LAMA3: variants seen among roughly 807,000 people sequenced by gnomAD.
LAMA3 encodes laminin subunit alpha 3.
Under a neutral mutation model 402.0 loss-of-function variants are expected in LAMA3, and 281 were observed. The ratio of observed to expected loss-of-function variants is 0.70; its 90% CI spans 0.63 to 0.77. The LOEUF is 0.77. LAMA3 is among the 30% of genes least tolerant of loss of function. The pLI, the probability that LAMA3 is intolerant of heterozygous loss-of-function variation, is 0.00. For missense variants in LAMA3, 3,840 were observed against 4,215.5 expected, an observed-to-expected ratio of 0.91 and a Z score of 2.47; for synonymous variants, 1,431 against 1,558.4, an observed-to-expected ratio of 0.92 and a Z score of 1.93.
In LAMA3 at chr18:23,837,080, A is replaced by T; in HGVS notation, c.3084A>T (p.Arg1028=). Residue 1028 remains arginine (R), a synonymous_variant, in exon 25 of 75, where the codon CGA becomes CGT. Transcript: ENST00000313654. Reference sequence around the variant, plus strand: ...TTCAGCTCAAGGGACACATGGCCCGATTCCTTCTGGTATGCTTCTGTTTTG... The same window carrying T: ...TTCAGCTCAAGGGACACATGGCCCGTTTCCTTCTGGTATGCTTCTGTTTTG... ...ADIQLKGHMA[R]FLLHQVCIIP... 6.2e-7 allele frequency: 1 copy of T among 1,605,628 alleles called. No homozygotes were observed.
intron 17 of LAMA3, among the ~76,000 whole-genome samples, chr18:23,816,128 G>T (rs1355960885): frequency 6.6e-6 from 1 of 152,208 alleles, no homozygotes; most frequent in African/African-American, 2.4e-5. Flanking sequence ...CCTTTGGAAA[G>T]ACACCATTTT....
In LAMA3 at chr18:23,943,774, G is replaced by A. The variant is rs372927257; in HGVS notation, c.9027-14G>A. The A allele has an allele frequency of 1.1e-4, 180 of 1,613,484 alleles. 1 individual carries two copies. Among genetic ancestry groups the A allele is most frequent in the South Asian group, 2.3e-4 (21 of 91,064 alleles). On this transcript the variant is annotated splice_polypyrimidine_tract_variant and intron_variant, in intron 68 of 74. Transcript: ENST00000313654. ...AACACCTCTATTTCCCTTCATCGCC[G>A]ATGTTCCCAACAGGTCACAGTTTGC...
intron 2 of LAMA3, among the ~76,000 whole-genome samples, chr18:23,725,114 C>CTTT (rs200486038): frequency 1.5e-4 from 22 of 145,672 alleles, no homozygotes; most frequent in East Asian, 8.0e-4. Flanking sequence ...ACTCACCATT[C>CTTT]TTTTTTTTTT....
At chr18:23,781,176 C>A in intron 11 of LAMA3, 1 of 369,872 alleles carries the variant, frequency 2.7e-6, no homozygotes, top group South Asian at 2.0e-5. Context: ...AATCTCAATA[C>A]TTCGTTTAAC....
intron 14 of LAMA3, among the ~76,000 whole-genome samples, chr18:23,813,919 G>C (rs571177165): frequency 6.6e-6 from 1 of 152,258 alleles, no homozygotes; most frequent in South Asian, 2.1e-4. Context: ...CCGACTTCCA[G>C]GCACAGAATG....
chr18:23,697,973 A>G lies in LAMA3; in HGVS notation c.294+7996A>G, dbSNP rs150800018. Among the ~76,000 whole-genome samples the G allele has an allele frequency of 8.8e-3, 1,333 of 151,872 alleles. 18 individuals carry two copies. The highest frequency in any genetic ancestry group is 0.031 in the African/African-American group (1,284 of 41,368). On this transcript the variant is annotated intron_variant, in intron 1 of 74. Transcript: ENST00000313654. ...TTCACATGGTCTCTTCTCTGTGCGT[A>G]TGTGTCCCCAACTCCTCTTCTTATA...
intron 41 of LAMA3, among the ~76,000 whole-genome samples, chr18:23,886,146 C>A (rs1017049491): frequency 2.6e-5 from 4 of 152,150 alleles, no homozygotes; most frequent in Non-Finnish European, 4.4e-5. Context: ...TAAATCCTTG[C>A]AGCTTAATAT....
intron 4 of LAMA3, among the ~76,000 whole-genome samples, chr18:23,750,455 T>G (rs1392894020): frequency 6.9e-6 from 1 of 144,110 alleles, no homozygotes; most frequent in African/African-American, 2.6e-5. Context: ...TTTTTTTTTT[T>G]TTTTTTTTTT....
At position 23,838,005 on chromosome 18, in the gene LAMA3, A is replaced by G. The variant is rs574289678; in HGVS notation, c.3094-776A>G. Among the ~76,000 whole-genome samples the G allele has an allele frequency of 4.6e-5, 7 of 152,308 alleles. 1 individual carries two copies. The South Asian group carries it at 8.3e-4, about 18-fold the overall frequency. ...TAACCTCTTCATCTTTAGAAATTAT[A>G]ATGGAGCTGAATCTTCATCATTTAA... On this transcript the variant is annotated intron_variant, in intron 25 of 74. Coordinates refer to ENST00000313654, the MANE Select transcript of LAMA3 (RefSeq NM_198129.4).
Position 23,828,945 on chromosome 18 carries a change from T to A in LAMA3, c.2823+1478T>A, listed in dbSNP as rs146293545. On this transcript the variant is annotated intron_variant, in intron 23 of 74. Coordinates refer to ENST00000313654, the MANE Select transcript of LAMA3 (RefSeq NM_198129.4). ...ACTTCTTCATTTAGCTTTTTTAGTA[T>A]CCTAAAGGCCTTGGAGCCAGGTGTA... Among the ~76,000 whole-genome samples, 174 of 152,342 alleles carry A rather than the reference T, an allele frequency of 1.1e-3. 1 individual carries two copies. Among genetic ancestry groups the A allele is most frequent in the African/African-American group, 4.1e-3 (169 of 41,576 alleles).
chr18:23,825,271 G>A (rs924484053), intron 21 of LAMA3, among the ~76,000 whole-genome samples: 1 of 152,214 alleles, frequency 6.6e-6, no homozygotes, highest in Non-Finnish European at 1.5e-5. Context: ...GATGAAACCT[G>A]TTCTCTGAGA....
chr18:23,942,830 G>A (rs2082572344), intron 68 of LAMA3, among the ~76,000 whole-genome samples: 2 of 152,008 alleles, frequency 1.3e-5, no homozygotes, highest in East Asian at 1.9e-4. Context: ...CACCCACCTC[G>A]GCCTCCCAAA....
chr18:23,752,284 G>C (rs2061766124), intron 5 of LAMA3, among the ~76,000 whole-genome samples: 1 of 152,040 alleles, frequency 6.6e-6, no homozygotes, highest in African/African-American at 2.4e-5. Context: ...ATGTGCCCTG[G>C]AGCACTGCCA....
At chr18:23,909,401 T>G (rs1354542727) in intron 55 of LAMA3, 106 bp downstream of exon 55, 1 of 1,069,570 alleles carries the variant, frequency 9.3e-7, no homozygotes, top group Non-Finnish European at 1.4e-6. Flanking sequence ...TTGGTTGTCT[T>G]TCTTTCCCCA....
At chr18:23,750,388 G>A (rs2061724662) in intron 4 of LAMA3, among the ~76,000 whole-genome samples, 1 of 143,158 alleles carries the variant, frequency 7.0e-6, no homozygotes. Context: ...TGACACTTGG[G>A]CTTCATCACT....
intron 2 of LAMA3, among the ~76,000 whole-genome samples, chr18:23,718,385 C>A (rs1018695049): frequency 2.0e-5 from 3 of 151,936 alleles, no homozygotes; most frequent in African/African-American, 4.9e-5. Flanking sequence ...GCAGAGCAAG[C>A]CTGACTCATT....
At chr18:23,823,679 G>A (rs982089663) in intron 20 of LAMA3, among the ~76,000 whole-genome samples, 1 of 152,146 alleles carries the variant, frequency 6.6e-6, no homozygotes, top group African/African-American at 2.4e-5. Context: ...CCCCATCAAT[G>A]TATGTAGAAC....
At chr18:23,703,018 A>T (rs546690786) in intron 1 of LAMA3, among the ~76,000 whole-genome samples, 1 of 152,330 alleles carries the variant, frequency 6.6e-6, no homozygotes, top group South Asian at 2.1e-4. Flanking sequence ...TCCTTTTGTC[A>T]TTACTACCAT....
intron 21 of LAMA3, among the ~76,000 whole-genome samples, chr18:23,825,691 A>T (rs2063368819): frequency 6.6e-6 from 1 of 152,176 alleles, no homozygotes; most frequent in Non-Finnish European, 1.5e-5. Context: ...AGATGGTAGA[A>T]ATGAGGCAGA....
Sources: allele counts gnomAD v4.1 joint callset (sites outside exome capture counted in the v4.1 genomes callset), GRCh38; gene constraint gnomAD v4.1.1; transcripts MANE v1.5; gene names NCBI Gene and HGNC (gene_info 2026-07-23, HGNC 2026-07-21).